FRMD3: variants seen among roughly 807,000 people sequenced by gnomAD.
FRMD3 encodes FERM domain containing 3.
A neutral mutation model predicts 70.2 loss-of-function variants in FRMD3; 33 were observed. The ratio of observed to expected loss-of-function variants is 0.47; its 90% CI spans 0.36 to 0.63. The LOEUF is 0.63. Ranked by LOEUF, FRMD3 falls within the 20% of genes least tolerant of loss-of-function variation. FRMD3 has a pLI of 0.00. For missense variants in FRMD3, 632 were observed against 711.4 expected (o/e 0.89, Z 1.27); for synonymous variants, 279 against 255.9 (o/e 1.09, Z -0.86).
chr9:83,321,343 C>T (rs1013965755), intron 6 of FRMD3, among the ~76,000 whole-genome samples: 2 of 152,082 alleles, frequency 1.3e-5, no homozygotes, highest in East Asian at 3.9e-4. Context: ...CTTAGCAATG[C>T]TTTTGCTGTA....
intron 1 of FRMD3, among the ~76,000 whole-genome samples, chr9:83,529,278 C>G (rs1236397877): frequency 6.6e-6 from 1 of 152,056 alleles, no homozygotes; most frequent in Non-Finnish European, 1.5e-5. Context: ...TATCCACATG[C>G]AAAAGGATAA....
intron 13 of FRMD3, among the ~76,000 whole-genome samples, chr9:83,257,561 C>A (rs766318123): frequency 2.6e-5 from 4 of 152,014 alleles, no homozygotes; most frequent in Middle Eastern, 3.2e-3. Flanking sequence ...AAAACACAAG[C>A]CTTGCAAGTA....
intron 1 of FRMD3, among the ~76,000 whole-genome samples, chr9:83,507,724 A>ATCTATCTATC (rs1564109305): frequency 9.0e-6 from 1 of 111,014 alleles, no homozygotes; most frequent in Non-Finnish European, 1.9e-5. Flanking sequence ...ATATATATAT[A>ATCTATCTATC]TATATATATA....
intron 1 of FRMD3, among the ~76,000 whole-genome samples, chr9:83,509,716 G>A (rs1275125301): frequency 9.2e-5 from 14 of 152,120 alleles, no homozygotes. Context: ...TCTTGGCATT[G>A]CTTCTTACTA....
intron 2 of FRMD3, among the ~76,000 whole-genome samples, chr9:83,387,381 A>ATGG (rs1825542003): frequency 6.6e-6 from 1 of 152,042 alleles, no homozygotes; most frequent in Admixed American, 6.5e-5. Context: ...GTTGTTCCTT[A>ATGG]ATGTCTTGCC....
At chr9:83,360,461 C>T (rs1824545132) in intron 3 of FRMD3, among the ~76,000 whole-genome samples, 1 of 152,186 alleles carries the variant, frequency 6.6e-6, no homozygotes, top group African/African-American at 2.4e-5. Flanking sequence ...AGCATGGAAC[C>T]TCCTGCCCAT....
intron 3 of FRMD3, among the ~76,000 whole-genome samples, chr9:83,365,630 T>C (rs1824760673): frequency 6.6e-6 from 1 of 152,094 alleles, no homozygotes; most frequent in Admixed American, 6.5e-5. Flanking sequence ...GGATCCAGCA[T>C]CCCTCAACAC....
At chr9:83,254,059 G>T (rs1832558307) in intron 13 of FRMD3, among the ~76,000 whole-genome samples, 1 of 143,822 alleles carries the variant, frequency 7.0e-6, no homozygotes, top group Non-Finnish European at 1.5e-5. Context: ...GGTGGGAATT[G>T]AACAATGAGA....
chr9:83,394,789 C>T (rs952218157), intron 1 of FRMD3, among the ~76,000 whole-genome samples: 6 of 152,112 alleles, frequency 3.9e-5, no homozygotes, highest in Admixed American at 3.3e-4. Context: ...AAAAGTCCAC[C>T]TCTCCTCCCC....
intron 4 of FRMD3, among the ~76,000 whole-genome samples, chr9:83,343,887 G>C (rs1203891466): frequency 6.6e-6 from 1 of 152,220 alleles, no homozygotes; most frequent in East Asian, 1.9e-4. Context: ...GGCACACAGT[G>C]GCCTGTGACA....
chr9:83,351,412 T>G (rs913725054), intron 3 of FRMD3, among the ~76,000 whole-genome samples: 2 of 151,024 alleles, frequency 1.3e-5, no homozygotes, highest in Admixed American at 1.3e-4. Context: ...AATTCTTAAC[T>G]GAGATGAGTG....
the FRMD3 span, among the ~76,000 whole-genome samples, chr9:83,569,694 G>T: frequency 1.3e-5 from 2 of 152,284 alleles, no homozygotes; most frequent in East Asian, 3.9e-4. Flanking sequence ...GATAAGATTT[G>T]TCTCTTTTGA....
At chr9:83,535,205 T>A (rs1178878048) in intron 1 of FRMD3, among the ~76,000 whole-genome samples, 1 of 152,214 alleles carries the variant, frequency 6.6e-6, no homozygotes, top group East Asian at 1.9e-4. Context: ...GGCTGGCTCA[T>A]GAGAGATGCT....
intron 3 of FRMD3, among the ~76,000 whole-genome samples, chr9:83,359,081 A>G (rs1824499215): frequency 6.6e-6 from 1 of 151,958 alleles, no homozygotes; most frequent in Non-Finnish European, 1.5e-5. Context: ...TCCTTCCCCC[A>G]CTCTTACTGA....
At chr9:83,370,785 G>T (rs1824946281) in intron 3 of FRMD3, among the ~76,000 whole-genome samples, 1 of 152,094 alleles carries the variant, frequency 6.6e-6, no homozygotes, top group Admixed American at 6.5e-5. Context: ...GGTAGTGCAC[G>T]CCCGTAGTTC....
At chr9:83,394,589 T>C (rs1279308185) in intron 1 of FRMD3, among the ~76,000 whole-genome samples, 1 of 152,176 alleles carries the variant, frequency 6.6e-6, no homozygotes, top group Non-Finnish European at 1.5e-5. Context: ...TGTAATATGA[T>C]GATTTTGTTT....
intron 1 of FRMD3, among the ~76,000 whole-genome samples, chr9:83,510,077 G>T (rs1382904928): frequency 6.6e-6 from 1 of 152,206 alleles, no homozygotes; most frequent in Admixed American, 6.5e-5. Flanking sequence ...TTGAAGGTGT[G>T]AAGTTCGGGG....
At chr9:83,439,000 C>T (rs1268112634) in intron 1 of FRMD3, among the ~76,000 whole-genome samples, 1 of 152,168 alleles carries the variant, frequency 6.6e-6, no homozygotes, top group African/African-American at 2.4e-5. Context: ...GCAGGAGCTG[C>T]ACCTCCATAC....
chr9:83,359,297 T>C (rs1265080819), intron 3 of FRMD3, among the ~76,000 whole-genome samples: 1 of 152,174 alleles, frequency 6.6e-6, no homozygotes, highest in Non-Finnish European at 1.5e-5. Context: ...TCACAAATCC[T>C]TGGTCTCTGA....
Sources: gnomAD v4.1 joint callset for allele counts (sites outside exome capture counted in the v4.1 genomes callset) on GRCh38, gnomAD v4.1.1 for gene constraint, MANE v1.5 for transcripts, NCBI Gene and HGNC (gene_info 2026-07-23, HGNC 2026-07-21) for gene names.